The following RPS6KC1 variants were observed in gnomAD, a reference collection of about 807,000 sequenced individuals.
RPS6KC1 encodes the protein inactive ribosomal protein S6 kinase delta-1.
Under a neutral mutation model 103.8 loss-of-function variants are expected in RPS6KC1, and 54 were observed. The ratio of observed to expected loss-of-function variants is 0.52; its 90% CI spans 0.42 to 0.65. The LOEUF is 0.65. Ranked by LOEUF, RPS6KC1 falls within the 30% of genes least tolerant of loss-of-function variation. The probability of loss-of-function intolerance (pLI) is 0.00; values close to 1 mark genes in which losing one functional copy is unlikely to be tolerated. For synonymous variants in RPS6KC1, 439 were observed against 438.7 expected, an observed-to-expected ratio of 1.00 and a Z score of -0.01; for missense variants, 1,151 against 1,253.8, an observed-to-expected ratio of 0.92 and a Z score of 1.24.
the RPS6KC1 span, among the ~76,000 whole-genome samples, chr1:213,568,595 C>T: frequency 6.6e-6 from 1 of 152,190 alleles, no homozygotes; most frequent in East Asian, 1.9e-4. Context: ...TTCTCCAGGG[C>T]TAGGTATTTG....
At chr1:213,625,923 A>G in the RPS6KC1 span, among the ~76,000 whole-genome samples, 12 of 152,226 alleles carry the variant, frequency 7.9e-5, no homozygotes, top group Admixed American at 2.6e-4. Flanking sequence ...AGCATGTTTT[A>G]TAATCCTTTG....
At chr1:213,844,789 T>C in the RPS6KC1 span, among the ~76,000 whole-genome samples, 1 of 152,172 alleles carries the variant, frequency 6.6e-6, no homozygotes, top group African/African-American at 2.4e-5. Context: ...CGCTGGAGTT[T>C]CTTAAGCAAA....
chr1:213,178,183 C>G (rs1435094005), intron 8 of RPS6KC1, among the ~76,000 whole-genome samples: 1 of 125,326 alleles, frequency 8.0e-6, no homozygotes, highest in Non-Finnish European at 1.7e-5. Context: ...GAGACTCTGT[C>G]TCAAAATAAA....
At chr1:213,080,523 T>C (rs978846181) in intron 3 of RPS6KC1, among the ~76,000 whole-genome samples, 12 of 152,190 alleles carry the variant, frequency 7.9e-5, no homozygotes, top group African/African-American at 2.9e-4. Context: ...ATAATTAAGC[T>C]CGTAATGTAT....
intron 3 of RPS6KC1, among the ~76,000 whole-genome samples, chr1:213,082,049 A>C (rs2079941932): frequency 6.6e-6 from 1 of 152,122 alleles, no homozygotes. Flanking sequence ...TTTGTAACAA[A>C]ACTGAAAATG....
At chr1:213,709,182 G>C in the RPS6KC1 span, among the ~76,000 whole-genome samples, 1 of 152,110 alleles carries the variant, frequency 6.6e-6, no homozygotes, top group East Asian at 1.9e-4. Context: ...TCTGGTCCTG[G>C]GCTTTTTTTG....
At chr1:213,230,356 T>TA (rs904005048) in intron 8 of RPS6KC1, 141 bp from the exon 9 acceptor site, 7 of 469,762 alleles carry the variant, frequency 1.5e-5, no homozygotes, top group African/African-American at 2.0e-5. Flanking sequence ...TTTGCTGACT[T>TA]AAAAAAATTT....
At chr1:213,415,584 G>A in the RPS6KC1 span, among the ~76,000 whole-genome samples, 9 of 152,186 alleles carry the variant, frequency 5.9e-5, no homozygotes, top group African/African-American at 2.2e-4. Context: ...AGGGCGAAGC[G>A]GTAGGGATGG....
the RPS6KC1 span, among the ~76,000 whole-genome samples, chr1:213,436,868 C>T: frequency 5.3e-5 from 8 of 152,002 alleles, no homozygotes; most frequent in Non-Finnish European, 1.0e-4. Context: ...TTGTCAGTGG[C>T]CTTGATGAAC....
chr1:213,434,050 C>CTT, the RPS6KC1 span, among the ~76,000 whole-genome samples: 169 of 136,572 alleles, frequency 1.2e-3, no homozygotes, highest in Middle Eastern at 3.9e-3. Flanking sequence ...TTTTTCTTAC[C>CTT]TTTTTTTTTT....
chr1:213,163,053 A>G (rs1036471255), intron 6 of RPS6KC1, among the ~76,000 whole-genome samples: 4 of 152,242 alleles, frequency 2.6e-5, no homozygotes, highest in Non-Finnish European at 5.9e-5. Flanking sequence ...CAGAACACTT[A>G]GCATAAGGCA....
chr1:213,756,012 A>T, the RPS6KC1 span, among the ~76,000 whole-genome samples: 4 of 152,064 alleles, frequency 2.6e-5, no homozygotes, highest in Non-Finnish European at 1.5e-5. Flanking sequence ...TGGGCCAATC[A>T]CCACCGCTGG....
the RPS6KC1 span, among the ~76,000 whole-genome samples, chr1:213,352,532 AG>A: frequency 6.6e-6 from 1 of 152,174 alleles, no homozygotes; most frequent in African/African-American, 2.4e-5. Flanking sequence ...AGGGAAGTGA[AG>A]GTCTTTTTTC....
At chr1:213,239,841 G>A (rs2094310768) in intron 10 of RPS6KC1, among the ~76,000 whole-genome samples, 1 of 152,016 alleles carries the variant, frequency 6.6e-6, no homozygotes, top group Non-Finnish European at 1.5e-5. Context: ...GTTATAGCAG[G>A]TTTTTGGTAC....
Position 213,272,751 on chromosome 1 carries a change from C to G in RPS6KC1, c.*117C>G. On this transcript the variant is annotated 3_prime_UTR_variant, in exon 15 of 15. Coordinates refer to ENST00000366960, the MANE Select transcript of RPS6KC1 (RefSeq NM_012424.6). ...AGCACCAAAGCATTTGGATAAAGACCGTTATAGGAAATGGGGGGGAAATGG... is the reference window on the plus strand; with the variant it reads ...AGCACCAAAGCATTTGGATAAAGACGGTTATAGGAAATGGGGGGGAAATGG... 4.3e-6 allele frequency: 3 copies of G among 694,970 alleles called. No homozygotes were observed. The highest frequency in any genetic ancestry group is 5.0e-6 in the Non-Finnish European group (2 of 397,234). The allele number at this position is 694,970 out of a possible 1,614,324, so 43.1% of individuals were successfully genotyped here. A position where few individuals can be genotyped will look rare whatever the true frequency, so the allele number is the denominator to read the frequency against.
At chr1:213,214,968 C>T (rs914911041) in intron 8 of RPS6KC1, among the ~76,000 whole-genome samples, 3 of 152,168 alleles carry the variant, frequency 2.0e-5, no homozygotes, top group South Asian at 2.1e-4. Flanking sequence ...AAAATCAGAG[C>T]GCCTGTCCTC....
rs774871627 is a variant in RPS6KC1 at position 213,232,118 on chromosome 1, G to A, written c.1093-5G>A. The A allele has an allele frequency of 9.7e-5, 157 of 1,613,518 alleles. No individual in the cohort carries two copies. Among genetic ancestry groups the A allele is most frequent in the Non-Finnish European group, 1.3e-4 (155 of 1,179,748 alleles). On this transcript the variant is annotated splice_region_variant and splice_polypyrimidine_tract_variant and intron_variant, in intron 9 of 14. Transcript: ENST00000366960. ...GATACAACTGACCTTTTTGTTCTCTGTCAGGGTCTAAGGAAAAGCAGTGAA... is the reference window on the plus strand; with the variant it reads ...GATACAACTGACCTTTTTGTTCTCTATCAGGGTCTAAGGAAAAGCAGTGAA...
At chr1:213,759,762 G>A in the RPS6KC1 span, among the ~76,000 whole-genome samples, 2 of 152,206 alleles carry the variant, frequency 1.3e-5, no homozygotes, top group African/African-American at 4.8e-5. Context: ...AGGACCCAGG[G>A]ATTTCCCCTA....
At chr1:213,122,523 GA>G (rs1373137227) in intron 5 of RPS6KC1, among the ~76,000 whole-genome samples, 3 of 152,196 alleles carry the variant, frequency 2.0e-5, no homozygotes, top group African/African-American at 7.2e-5. Context: ...CTATTTTCAA[GA>G]CAAACTTAAA....
Sources: allele counts gnomAD v4.1 joint callset (sites outside exome capture counted in the v4.1 genomes callset), GRCh38; gene constraint gnomAD v4.1.1; transcripts MANE v1.5; gene names NCBI Gene and HGNC (gene_info 2026-07-23, HGNC 2026-07-21).